Variants in NEXN observed in about 807,000 individuals in gnomAD.
The protein encoded by NEXN is nexilin.
NEXN carries 65 observed loss-of-function variants against 92.6 expected under a neutral mutation model. The ratio of observed to expected loss-of-function variants is 0.70; its 90% CI spans 0.57 to 0.86. NEXN has a LOEUF of 0.86. Ranked by LOEUF, NEXN falls within the 40% of genes least tolerant of loss-of-function variation. The pLI is 0.00. For synonymous variants in NEXN, 254 were observed against 242.5 expected, an observed-to-expected ratio of 1.05 and a Z score of -0.44; for missense variants, 778 against 771.1, an observed-to-expected ratio of 1.01 and a Z score of -0.11.
At chr1:77,908,312 C>T (rs560869341) in intron 1 of NEXN, among the ~76,000 whole-genome samples, 51 of 151,804 alleles carry the variant, frequency 3.4e-4, no homozygotes, top group African/African-American at 1.1e-3. Context: ...TGGGCTCAAG[C>T]GATTCTCCCA....
At chr1:77,914,666 A>C (rs1321640013) in intron 1 of NEXN, among the ~76,000 whole-genome samples, 1 of 151,620 alleles carries the variant, frequency 6.6e-6, no homozygotes, top group Admixed American at 6.6e-5. Context: ...AGACCAGCCT[A>C]GCCAACATGG....
intron 11 of NEXN, 41 bp from the exon 12 acceptor site, chr1:77,941,981 TA>T: frequency 6.3e-7 from 1 of 1,589,576 alleles, no homozygotes; most frequent in Non-Finnish European, 8.6e-7. Flanking sequence ...TCTTTGTTTT[TA>T]GAAGGCAAGC....
At chr1:77,932,960 G>C (rs1208649967) in intron 9 of NEXN, 3 of 223,386 alleles carry the variant, frequency 1.3e-5, no homozygotes, top group South Asian at 1.4e-4. Flanking sequence ...TCGGGAGTTC[G>C]AGACCAGCCT....
intron 1 of NEXN, among the ~76,000 whole-genome samples, chr1:77,905,100 A>G (rs111704164): frequency 2.6e-5 from 4 of 151,934 alleles, no homozygotes; most frequent in African/African-American, 9.7e-5. Context: ...TGTCTCTACT[A>G]AAAATACAAA....
chr1:77,914,262 T>G (rs1394227925), intron 1 of NEXN, among the ~76,000 whole-genome samples: 2 of 152,156 alleles, frequency 1.3e-5, no homozygotes, highest in Non-Finnish European at 2.9e-5. Context: ...TCAGTATAGG[T>G]TCATCATTTA....
Position 77,917,724 on chromosome 1 carries a change from TAG to T in NEXN, c.196_197del (p.Glu66MetfsTer9). The T allele has an allele frequency of 3.1e-6, 5 of 1,610,304 alleles. No homozygotes were observed. The highest frequency in any genetic ancestry group is 4.2e-6 in the Non-Finnish European group (5 of 1,177,132). ...AACAAAGAAGAAAAGAACAATATAT[TAG>T]AGAGAGAGAATGGAACAGGAGAAAG... ...EKQRRKEQYI[R>X]EREWNRRKQE... On this transcript the variant is annotated frameshift_variant, in exon 3 of 13. Transcript: ENST00000334785. LOFTEE classifies it high-confidence loss of function.
At chr1:77,935,646 G>A (rs1650686666) in intron 10 of NEXN, among the ~76,000 whole-genome samples, 177 bp from the exon 11 acceptor site, 1 of 152,130 alleles carries the variant, frequency 6.6e-6, no homozygotes, top group African/African-American at 2.4e-5. Context: ...AAACTAATAT[G>A]CTGATATTCA....
intron 1 of NEXN, among the ~76,000 whole-genome samples, chr1:77,890,278 T>G (rs901782924): frequency 3.3e-5 from 5 of 152,214 alleles, no homozygotes; most frequent in African/African-American, 1.2e-4. Context: ...TGCAATTCCC[T>G]TAAAGAATTC....
intron 1 of NEXN, 125 bp from the exon 2 acceptor site, chr1:77,915,930 T>C: frequency 4.0e-6 from 1 of 248,682 alleles, no homozygotes; most frequent in Non-Finnish European, 7.7e-6. Flanking sequence ...GTTATCACAA[T>C]TTATTACTTG....
In NEXN at chr1:77,942,820, T is replaced by C. The variant is rs539689450; in HGVS notation, c.2019T>C (p.Ser673=). The C allele has an allele frequency of 6.2e-7, 1 of 1,606,066 alleles. No homozygotes were observed. The highest frequency in any genetic ancestry group is 8.5e-7 in the Non-Finnish European group (1 of 1,173,624). Reference sequence around the variant, plus strand: ...GTACCTGTATTCTTACCATTGAAAGTAAGAATTAATCACTCTTTTTATCTT... The same window carrying C: ...GTACCTGTATTCTTACCATTGAAAGCAAGAATTAATCACTCTTTTTATCTT... ...AASTCILTIE[S]KN is the part of the protein sequence containing the mutation. The change falls in exon 13 of 13, where the codon AGT becomes AGC. Residue 673 remains serine (S), a synonymous_variant. Coordinates refer to ENST00000334785, the MANE Select transcript of NEXN (RefSeq NM_144573.4).
intron 11 of NEXN, chr1:77,941,721 CT>C: frequency 5.0e-6 from 2 of 399,436 alleles, no homozygotes; most frequent in Non-Finnish European, 9.3e-6. Context: ...GCATTCTGAC[CT>C]TTTTCAGTTA....
intron 1 of NEXN, among the ~76,000 whole-genome samples, chr1:77,907,073 G>A (rs558726116): frequency 2.0e-5 from 3 of 152,328 alleles, no homozygotes; most frequent in African/African-American, 7.2e-5. Context: ...CTTAACAAAT[G>A]TTAACTTGGA....
At chr1:77,889,213 C>CCG (rs1382600332) in intron 1 of NEXN, 4 of 152,774 alleles carry the variant, frequency 2.6e-5, no homozygotes, top group African/African-American at 9.7e-5. Context: ...CTTGCCCCAG[C>CCG]CGCGGTCTCC....
intron 5 of NEXN, among the ~76,000 whole-genome samples, chr1:77,919,724 T>C (rs1649271494): frequency 6.6e-6 from 1 of 151,716 alleles, no homozygotes; most frequent in Non-Finnish European, 1.5e-5. Flanking sequence ...CTCAACCTCC[T>C]GAGTAGCAGG....
chr1:77,888,894 A>G (rs1647035613), intron 1 of NEXN, 135 bp downstream of exon 1: 3 of 152,520 alleles, frequency 2.0e-5, no homozygotes, highest in African/African-American at 7.2e-5. Context: ...GCTCCGCTGC[A>G]GCTCCGGAGG....
At chr1:77,911,575 A>G (rs1648580315) in intron 1 of NEXN, among the ~76,000 whole-genome samples, 1 of 149,810 alleles carries the variant, frequency 6.7e-6, no homozygotes, top group Non-Finnish European at 1.5e-5. Context: ...CTGGGCGACA[A>G]GAGCAAGACT....
chr1:77,905,258 CA>C (rs35239130), intron 1 of NEXN, among the ~76,000 whole-genome samples: 1 of 149,720 alleles, frequency 6.7e-6, no homozygotes. Context: ...GACTCCGTCT[CA>C]AAAAAAAAAA....
chr1:77,937,097 C>T (rs1017785276), intron 11 of NEXN, among the ~76,000 whole-genome samples: 1 of 146,542 alleles, frequency 6.8e-6, no homozygotes, highest in Middle Eastern at 3.9e-3. Context: ...GTCACTTGAG[C>T]CATTTCAAGA....
In NEXN at chr1:77,926,423, G is replaced by T; in HGVS notation, c.499G>T (p.Asp167Tyr). Residue 167 changes from aspartate (D) to tyrosine (Y), a missense_variant, in exon 7 of 13, where the codon GAT becomes TAT. Around this residue, in one of 3 missense-constraint regions of NEXN, gnomAD observed 236 missense variants for 265.6 expected, o/e 0.89. Coordinates refer to ENST00000334785, the MANE Select transcript of NEXN (RefSeq NM_144573.4). ...CTATTTTATAAAATAGGAAGGAGAT[G>T]ATTCACTACTTATAACTGTGGTACC... Reference protein sequence around the residue: ...GTESASEEGDDSLLITVVPVK... With the variant: ...GTESASEEGDYSLLITVVPVK... 6.3e-7 allele frequency: 1 copy of T among 1,594,716 alleles called. No individual in the cohort carries two copies. The highest frequency in any genetic ancestry group is 1.1e-5 in the South Asian group (1 of 88,608).
Sources: gnomAD v4.1 joint callset for allele counts (sites outside exome capture counted in the v4.1 genomes callset) on GRCh38, gnomAD v4.1.1 for gene constraint, gnomAD v4.1.1 regional missense constraint, MANE v1.5 for transcripts, NCBI Gene and HGNC (gene_info 2026-07-23, HGNC 2026-07-21) for gene names.